SGMS1: variants seen among roughly 807,000 people sequenced by gnomAD.
The protein encoded by SGMS1 is phosphatidylcholine:ceramide cholinephosphotransferase 1.
A neutral mutation model predicts 46.2 loss-of-function variants in SGMS1; 13 were observed. That is an observed-to-expected ratio of 0.28 (90% CI 0.18 to 0.45). SGMS1 has a LOEUF of 0.45. Among genes scored for constraint, SGMS1 ranks in the 20% least tolerant of loss-of-function variants. The pLI is 1.00. For missense variants in SGMS1, 324 were observed against 519.9 expected (o/e 0.62, Z 3.66); for synonymous variants, 203 against 187.8 (o/e 1.08, Z -0.66).
At chr10:50,395,546 ATTTAAATAAAT>A (rs1848837625) in intron 6 of SGMS1, among the ~76,000 whole-genome samples, 1 of 152,202 alleles carries the variant, frequency 6.6e-6, no homozygotes, top group African/African-American at 2.4e-5. Flanking sequence ...TTATTACATA[ATTTAAATAAAT>A]ATTGAGTAAT....
chr10:50,423,503 G>A (rs1260243861), intron 6 of SGMS1, among the ~76,000 whole-genome samples: 2 of 152,132 alleles, frequency 1.3e-5, no homozygotes, highest in Admixed American at 1.3e-4. Flanking sequence ...GCAGAAGGAA[G>A]GTCTGGTTTG....
chr10:50,554,613 T>A (rs1341644432), intron 2 of SGMS1, among the ~76,000 whole-genome samples: 3 of 152,176 alleles, frequency 2.0e-5, no homozygotes, highest in Non-Finnish European at 1.5e-5. Context: ...AGCCACCCAA[T>A]GCAGGCACCG....
rs147734007 is a variant in SGMS1 at position 50,307,168 on chromosome 10, A to G, written c.1216T>C (p.Tyr406His). Residue 406 changes from tyrosine (Y) to histidine (H), a missense_variant, in exon 11 of 11, where the codon TAC becomes CAC. This residue lies in a region of SGMS1 where 174 missense variants were observed against 350.1 expected (regional missense o/e 0.50). Coordinates refer to ENST00000361781, the MANE Select transcript of SGMS1 (RefSeq NM_147156.4). The surrounding 1 kb of genome is among the most constrained non-coding windows in gnomAD (Gnocchi z 4.2). ...TATGTGTCATTCACCAGCCGGCTGT[A>G]TTTAACTTGCCTACTGAGGTGGACT... ...PVVHLSRQVK[Y>H]SRLVNDT 5 of 1,613,822 alleles carry G rather than the reference A, an allele frequency of 3.1e-6. No individual in the cohort carries two copies. The highest frequency in any genetic ancestry group is 1.7e-5 in the Admixed American group (1 of 59,968).
chr10:50,409,023 T>C (rs917927328), intron 6 of SGMS1, among the ~76,000 whole-genome samples: 7 of 152,358 alleles, frequency 4.6e-5, no homozygotes, highest in Middle Eastern at 3.4e-3. Flanking sequence ...TTTATTCATA[T>C]AGATTAGAGT....
intron 6 of SGMS1, among the ~76,000 whole-genome samples, chr10:50,351,110 C>A (rs556212968): frequency 6.6e-6 from 1 of 152,304 alleles, no homozygotes; most frequent in Non-Finnish European, 1.5e-5. Flanking sequence ...TCAGTGTGAC[C>A]AAGATGTGAG....
intron 3 of SGMS1, among the ~76,000 whole-genome samples, chr10:50,488,387 T>C (rs971399699): frequency 2.0e-5 from 3 of 152,154 alleles, no homozygotes; most frequent in Non-Finnish European, 4.4e-5. Context: ...AGGTCATCAT[T>C]AGAACACTGA....
At chr10:50,365,122 G>C (rs888304055) in intron 6 of SGMS1, among the ~76,000 whole-genome samples, 2 of 151,856 alleles carry the variant, frequency 1.3e-5, no homozygotes, top group Non-Finnish European at 2.9e-5. Context: ...AAATTAGCCA[G>C]GCATGGTGGA....
upstream of SGMS1, chr10:50,624,104 A>G: frequency 1.0e-6 from 1 of 985,166 alleles, no homozygotes; most frequent in Non-Finnish European, 1.2e-6. Flanking sequence ...GGGACCCCGA[A>G]CCAAGGGACA....
At chr10:50,350,863 G>C (rs1183762101) in intron 6 of SGMS1, among the ~76,000 whole-genome samples, 1 of 152,232 alleles carries the variant, frequency 6.6e-6, no homozygotes, top group Non-Finnish European at 1.5e-5. Flanking sequence ...GTGCAGAAGG[G>C]AGATGTGGGG....
chr10:50,377,006 T>G (rs1240026260), intron 6 of SGMS1, among the ~76,000 whole-genome samples: 1 of 152,232 alleles, frequency 6.6e-6, no homozygotes, highest in Non-Finnish European at 1.5e-5. Context: ...TTTAAGAACT[T>G]CTTGCAACAG....
intron 1 of SGMS1, among the ~76,000 whole-genome samples, chr10:50,598,892 G>C (rs1263282718): frequency 6.6e-6 from 1 of 151,924 alleles, no homozygotes. Context: ...AAACAAATAA[G>C]GAGAAATACC....
chr10:50,394,694 T>C (rs544262474), intron 6 of SGMS1, among the ~76,000 whole-genome samples: 1 of 152,380 alleles, frequency 6.6e-6, no homozygotes, highest in South Asian at 2.1e-4. Context: ...TTGTTTTAAT[T>C]CATCTAACTT....
At chr10:50,359,545 A>G (rs1482868570) in intron 6 of SGMS1, among the ~76,000 whole-genome samples, 1 of 152,126 alleles carries the variant, frequency 6.6e-6, no homozygotes, top group Non-Finnish European at 1.5e-5. Flanking sequence ...TGTTTTATAC[A>G]TTTCATGGAG....
intron 3 of SGMS1, among the ~76,000 whole-genome samples, chr10:50,495,496 C>T (rs1837607584): frequency 6.6e-6 from 1 of 152,012 alleles, no homozygotes; most frequent in Non-Finnish European, 1.5e-5. Flanking sequence ...AATAGATGTT[C>T]AAAATCTAGC....
intron 7 of SGMS1, among the ~76,000 whole-genome samples, chr10:50,330,280 C>T (rs1005323014): frequency 1.5e-5 from 2 of 133,728 alleles, no homozygotes; most frequent in African/African-American, 5.1e-5. Flanking sequence ...ATAGCGCAAC[C>T]CTGTCTCTAC....
intron 6 of SGMS1, among the ~76,000 whole-genome samples, chr10:50,426,417 G>A (rs749564135): frequency 5.9e-5 from 9 of 152,124 alleles, no homozygotes; most frequent in Non-Finnish European, 1.2e-4. Flanking sequence ...AGATACAAGT[G>A]AATACAGTTA....
intron 6 of SGMS1, among the ~76,000 whole-genome samples, chr10:50,347,442 T>A (rs1847933159): frequency 6.6e-6 from 1 of 152,122 alleles, no homozygotes; most frequent in South Asian, 2.1e-4. Context: ...CCGTAAAGAA[T>A]TTCAATTGCC....
At chr10:50,544,829 C>T (rs1260885714) in intron 2 of SGMS1, among the ~76,000 whole-genome samples, 1 of 152,182 alleles carries the variant, frequency 6.6e-6, no homozygotes, top group Non-Finnish European at 1.5e-5. Flanking sequence ...AGAGGTGGGA[C>T]ATGCTACAAC....
chr10:50,495,046 A>AG (rs1311599475), intron 3 of SGMS1, among the ~76,000 whole-genome samples: 3 of 135,708 alleles, frequency 2.2e-5, no homozygotes, highest in Non-Finnish European at 3.2e-5. Context: ...AAAAAAAAAA[A>AG]TAAAATAAAA....
Sources: allele counts gnomAD v4.1 joint callset (sites outside exome capture counted in the v4.1 genomes callset), GRCh38; gene constraint gnomAD v4.1.1; regional missense constraint gnomAD v4.1.1; non-coding constraint Gnocchi (gnomAD v3.1); transcripts MANE v1.5; gene names NCBI Gene and HGNC (gene_info 2026-07-23, HGNC 2026-07-21).